Variants in PRPF18 observed in about 807,000 individuals in gnomAD.
The protein encoded by PRPF18 is pre-mRNA-splicing factor 18.
Under a neutral mutation model 46.5 loss-of-function variants are expected in PRPF18, and 38 were observed. The ratio of observed to expected loss-of-function variants is 0.82; its 90% confidence interval spans 0.63 to 1.07. The LOEUF is 1.07. PRPF18 is among the 50% of genes least tolerant of loss of function. The pLI is 0.00. For missense variants in PRPF18, 263 were observed against 410.0 expected (o/e 0.64, Z 3.10); for synonymous variants, 152 against 146.7 (o/e 1.04, Z -0.26).
At chr10:13,654,522 G>A in the PRPF18 span, 6 of 1,585,150 alleles carry the variant, frequency 3.8e-6, no homozygotes, top group African/African-American at 8.1e-5. Flanking sequence ...GCTACATGCA[G>A]GTGGTGCAAG....
At chr10:13,589,534 A>G (rs908554294) in intron 1 of PRPF18, among the ~76,000 whole-genome samples, 1 of 152,254 alleles carries the variant, frequency 6.6e-6, no homozygotes, top group Non-Finnish European at 1.5e-5. Flanking sequence ...GTTTAGAGTC[A>G]CTGCCTTGGT....
chr10:13,591,723 T>C (rs2079964682), intron 1 of PRPF18: 1 of 954,864 alleles, frequency 1.0e-6, no homozygotes, highest in South Asian at 1.4e-5. Context: ...TGATAACAAT[T>C]TTGGTTGAGG....
intron 2 of PRPF18, among the ~76,000 whole-genome samples, chr10:13,598,010 C>T (rs976552185): frequency 1.1e-4 from 17 of 152,084 alleles, no homozygotes; most frequent in Admixed American, 7.9e-4. Context: ...ATTGTTAATA[C>T]GTCCTTTTGG....
At chr10:13,627,865 C>T (rs867570700) in intron 9 of PRPF18, among the ~76,000 whole-genome samples, 4 of 152,208 alleles carry the variant, frequency 2.6e-5, no homozygotes, top group African/African-American at 4.8e-5. Flanking sequence ...TTGCCTTCCG[C>T]TTGCGCATAA....
chr10:13,638,334 C>G, the PRPF18 span, among the ~76,000 whole-genome samples: 1 of 133,698 alleles, frequency 7.5e-6, no homozygotes, highest in South Asian at 2.4e-4. Flanking sequence ...ATCATGAAAT[C>G]ATTTTGTATA....
At chr10:13,610,329 A>G in intron 5 of PRPF18, 144 bp downstream of exon 5, 2 of 934,756 alleles carry the variant, frequency 2.1e-6, no homozygotes, top group Non-Finnish European at 3.0e-6. Context: ...TTATTTATTT[A>G]CTCCCCTTTT....
intron 5 of PRPF18, among the ~76,000 whole-genome samples, chr10:13,611,179 G>A (rs11258470): frequency 0.039 from 5,336 of 138,526 alleles, 143 homozygotes; most frequent in Non-Finnish European, 0.056. Flanking sequence ...TGGGCAACCA[G>A]TTGTGGGCTT....
chr10:13,605,246 A>G (rs1226244254), intron 3 of PRPF18, among the ~76,000 whole-genome samples: 1 of 152,210 alleles, frequency 6.6e-6, no homozygotes, highest in Non-Finnish European at 1.5e-5. Context: ...CTTTTAAGGT[A>G]CAATATACAA....
At chr10:13,606,614 A>G (rs952496028) in intron 4 of PRPF18, among the ~76,000 whole-genome samples, 4 of 151,760 alleles carry the variant, frequency 2.6e-5, no homozygotes, top group African/African-American at 9.7e-5. Context: ...GTGTGCCTGT[A>G]TTCCCAGCTA....
At chr10:13,645,331 A>C in the PRPF18 span, 1 of 149,394 alleles carries the variant, frequency 6.7e-6, no homozygotes, top group Admixed American at 6.7e-5. Flanking sequence ...TCCAATAGGA[A>C]GTCATTAGAG....
intron 1 of PRPF18, among the ~76,000 whole-genome samples, chr10:13,587,985 G>A (rs2079901438): frequency 3.3e-5 from 5 of 152,062 alleles, no homozygotes; most frequent in Admixed American, 2.0e-4. Flanking sequence ...GTTTTCCCCC[G>A]ACTGACCCTG....
intron 4 of PRPF18, 91 bp downstream of exon 4, chr10:13,605,835 GA>G: frequency 7.1e-7 from 1 of 1,417,428 alleles, no homozygotes; most frequent in Non-Finnish European, 9.3e-7. Context: ...GGCAACAATG[GA>G]AAAGTAAAGT....
downstream of PRPF18, among the ~76,000 whole-genome samples, chr10:13,634,148 T>C (rs2080614351): frequency 6.6e-6 from 1 of 152,220 alleles, no homozygotes; most frequent in Non-Finnish European, 1.5e-5. Flanking sequence ...AAGAATGTAT[T>C]TTTACGTTGA....
At chr10:13,635,086 AC>A (rs1196119309), downstream of PRPF18, among the ~76,000 whole-genome samples, 2 of 151,982 alleles carry the variant, frequency 1.3e-5, no homozygotes, top group African/African-American at 2.4e-5. Flanking sequence ...GTGTGTTGTT[AC>A]CCCTGTGTGT....
the PRPF18 span, chr10:13,651,654 C>A: frequency 1.3e-3 from 583 of 458,192 alleles, 4 homozygotes; most frequent in African/African-American, 7.9e-3. Flanking sequence ...GCCTGGGCAA[C>A]AGAACAAGAC....
the PRPF18 span, among the ~76,000 whole-genome samples, chr10:13,649,999 TGACTTCA>T: frequency 1.4e-4 from 21 of 152,286 alleles, no homozygotes; most frequent in East Asian, 2.3e-3. Flanking sequence ...CAGCAAGTGG[TGACTTCA>T]GAATCTGTGG....
intron 3 of PRPF18, among the ~76,000 whole-genome samples, chr10:13,602,052 G>C (rs2080119219): frequency 6.6e-6 from 1 of 152,126 alleles, no homozygotes; most frequent in South Asian, 2.1e-4. Context: ...TGATTGTGTG[G>C]AATTGTCCTA....
chr10:13,639,373 C>G, the PRPF18 span: 5 of 152,340 alleles, frequency 3.3e-5, no homozygotes, highest in South Asian at 6.2e-4. Context: ...AGTCTCTCTT[C>G]TGAGTATCTG....
At chr10:13,652,410 G>A in the PRPF18 span, 16 of 182,942 alleles carry the variant, frequency 8.7e-5, no homozygotes, top group Non-Finnish European at 1.5e-4. Flanking sequence ...TGGATCAGGT[G>A]AGACTGGGCA....
Sources: allele counts gnomAD v4.1 joint callset (sites outside exome capture counted in the v4.1 genomes callset), GRCh38; gene constraint gnomAD v4.1.1; transcripts MANE v1.5; gene names NCBI Gene and HGNC (gene_info 2026-07-23, HGNC 2026-07-21).